The following GSK3B variants were observed in gnomAD, a reference collection of about 807,000 sequenced individuals.
The protein encoded by GSK3B is glycogen synthase kinase 3 beta.
In GSK3B, 15 loss-of-function variants were observed where a neutral mutation model predicts 56.4. That is an observed-to-expected ratio of 0.27 (90% CI 0.18 to 0.41). The LOEUF (loss-of-function observed/expected upper bound fraction) is 0.41. Ranked by LOEUF, GSK3B falls within the 10% of genes least tolerant of loss-of-function variation. The probability of loss-of-function intolerance (pLI) is 1.00; values close to 1 mark genes in which losing one functional copy is unlikely to be tolerated. For synonymous variants in GSK3B, 181 were observed against 188.9 expected (o/e 0.96, Z 0.34); for missense variants, 300 against 513.4 (o/e 0.58, Z 4.02).
At chr3:119,861,398 C>G (rs1412884340) in intron 9 of GSK3B, among the ~76,000 whole-genome samples, 1 of 151,856 alleles carries the variant, frequency 6.6e-6, no homozygotes, top group Admixed American at 6.6e-5. Context: ...GTAATCCCAG[C>G]TACTAAGGAG....
intron 2 of GSK3B, among the ~76,000 whole-genome samples, chr3:119,987,724 G>A (rs1179731333): frequency 6.6e-6 from 1 of 151,980 alleles, no homozygotes; most frequent in Non-Finnish European, 1.5e-5. Context: ...TGCCTACAAG[G>A]TCTTATTAAA....
intron 7 of GSK3B, among the ~76,000 whole-genome samples, chr3:119,896,246 G>A (rs1037121323): frequency 2.0e-5 from 3 of 150,976 alleles, no homozygotes; most frequent in Non-Finnish European, 2.9e-5. Context: ...CTTCCTCCCC[G>A]CCAAAAAGTT....
chr3:120,085,694 C>G (rs1052385660), intron 1 of GSK3B, among the ~76,000 whole-genome samples: 2 of 152,076 alleles, frequency 1.3e-5, no homozygotes, highest in Admixed American at 6.6e-5. Context: ...CCCAGCTACT[C>G]AGGAGGCTGA....
At chr3:119,851,510 T>G (rs1232061919) in intron 9 of GSK3B, among the ~76,000 whole-genome samples, 1 of 152,152 alleles carries the variant, frequency 6.6e-6, no homozygotes, top group Admixed American at 6.5e-5. Flanking sequence ...AACTGTTGTG[T>G]GAAAGATGAG....
intron 2 of GSK3B, among the ~76,000 whole-genome samples, chr3:119,996,371 A>G (rs960145458): frequency 6.6e-6 from 1 of 152,252 alleles, no homozygotes; most frequent in Non-Finnish European, 1.5e-5. Context: ...GTCAATAAGT[A>G]CATATAAAAA....
At chr3:119,871,683 G>T (rs574852881) in intron 8 of GSK3B, among the ~76,000 whole-genome samples, 13 of 152,090 alleles carry the variant, frequency 8.5e-5, no homozygotes, top group Non-Finnish European at 1.9e-4. Flanking sequence ...AGTGGAAGGG[G>T]GAGTAGAGAG....
chr3:120,037,011 G>A (rs960201430), intron 1 of GSK3B, among the ~76,000 whole-genome samples: 1 of 152,038 alleles, frequency 6.6e-6, no homozygotes, highest in Non-Finnish European at 1.5e-5. Context: ...AAAACCCAAA[G>A]TCTGTGATAA....
intron 1 of GSK3B, among the ~76,000 whole-genome samples, chr3:120,077,279 T>C (rs1248430082): frequency 6.6e-6 from 1 of 152,182 alleles, no homozygotes; most frequent in East Asian, 1.9e-4. Flanking sequence ...TAGGTGTCCA[T>C]CAATGGACGA....
At chr3:119,909,642 G>A (rs1466638094) in intron 6 of GSK3B, among the ~76,000 whole-genome samples, 1 of 152,150 alleles carries the variant, frequency 6.6e-6, no homozygotes, top group Non-Finnish European at 1.5e-5. Flanking sequence ...ACTTGAGAAG[G>A]TCAATGATGA....
intron 2 of GSK3B, among the ~76,000 whole-genome samples, chr3:119,963,208 G>C (rs192366265): frequency 1.3e-5 from 2 of 152,098 alleles, no homozygotes; most frequent in African/African-American, 4.8e-5. Flanking sequence ...GATACAAATA[G>C]ATGGAAAAAC....
At chr3:120,025,115 T>G (rs902485931) in intron 1 of GSK3B, among the ~76,000 whole-genome samples, 2 of 152,058 alleles carry the variant, frequency 1.3e-5, no homozygotes, top group East Asian at 3.9e-4. Flanking sequence ...TCCCAGTACT[T>G]TGGGAGACGG....
chr3:120,087,461 G>A (rs1287134241), intron 1 of GSK3B, among the ~76,000 whole-genome samples: 1 of 152,018 alleles, frequency 6.6e-6, no homozygotes, highest in Admixed American at 6.6e-5. Context: ...GAACCTGGGT[G>A]GCAGAGGTTG....
chr3:119,853,141 T>C (rs888578798), intron 9 of GSK3B, among the ~76,000 whole-genome samples: 3 of 152,224 alleles, frequency 2.0e-5, no homozygotes, highest in Admixed American at 6.5e-5. Flanking sequence ...TTTCTACATA[T>C]GGCTAGCCAG....
chr3:119,882,155 G>GTT (rs67933002), intron 7 of GSK3B, among the ~76,000 whole-genome samples: 17 of 144,434 alleles, frequency 1.2e-4, no homozygotes, highest in Middle Eastern at 3.7e-3. Flanking sequence ...TACAATTCTT[G>GTT]TTTTTTTTTT....
intron 7 of GSK3B, among the ~76,000 whole-genome samples, chr3:119,899,743 A>T (rs2108074471): frequency 6.6e-6 from 1 of 152,276 alleles, no homozygotes; most frequent in Middle Eastern, 3.4e-3. Flanking sequence ...GCAACTGTAA[A>T]AAGATATGAT....
At chr3:120,032,124 G>C (rs1428893990) in intron 1 of GSK3B, among the ~76,000 whole-genome samples, 1 of 151,912 alleles carries the variant, frequency 6.6e-6, no homozygotes, top group East Asian at 1.9e-4. Flanking sequence ...ATTTTTATAA[G>C]GACTACATAT....
intron 1 of GSK3B, among the ~76,000 whole-genome samples, chr3:120,025,786 CAG>C (rs1369911917): frequency 6.6e-6 from 1 of 152,090 alleles, no homozygotes; most frequent in Non-Finnish European, 1.5e-5. Flanking sequence ...ACACATGCGG[CAG>C]AGAGGCAGAA....
At chr3:120,022,330 T>G (rs1255907346) in intron 1 of GSK3B, among the ~76,000 whole-genome samples, 1 of 152,230 alleles carries the variant, frequency 6.6e-6, no homozygotes, top group African/African-American at 2.4e-5. Flanking sequence ...TAAACTACAG[T>G]ATAGTGCAAA....
At chr3:119,991,109 A>C (rs2057560447) in intron 2 of GSK3B, among the ~76,000 whole-genome samples, 1 of 152,188 alleles carries the variant, frequency 6.6e-6, no homozygotes, top group Non-Finnish European at 1.5e-5. Context: ...AATGAAGCCA[A>C]GATCACTAAT....
Sources: allele counts gnomAD v4.1 joint callset (sites outside exome capture counted in the v4.1 genomes callset), GRCh38; gene constraint gnomAD v4.1.1; transcripts MANE v1.5; gene names NCBI Gene and HGNC (gene_info 2026-07-23, HGNC 2026-07-21).